RBFOX1: variants seen among roughly 807,000 people sequenced by gnomAD.
RBFOX1 encodes the protein RNA binding fox-1 homolog 1.
A neutral mutation model predicts 57.7 loss-of-function variants in RBFOX1; 8 were observed. The observed-to-expected ratio is 0.14, with a 90% CI of 0.08 to 0.25. RBFOX1 has a LOEUF of 0.25. Among genes scored for constraint, RBFOX1 ranks in the 10% least tolerant of loss-of-function variants. RBFOX1 has a pLI of 1.00. For synonymous variants in RBFOX1, 326 were observed against 222.4 expected, an observed-to-expected ratio of 1.47 and a Z score of -4.15; for missense variants, 611 against 548.5, an observed-to-expected ratio of 1.11 and a Z score of -1.14.
intron 3 of RBFOX1, among the ~76,000 whole-genome samples, chr16:7,007,408 G>C (rs986956900): frequency 5.9e-5 from 9 of 152,148 alleles, no homozygotes; most frequent in South Asian, 2.1e-4. Context: ...GATTAGATGG[G>C]ATTTTCCCCA....
intron 2 of RBFOX1, among the ~76,000 whole-genome samples, chr16:5,475,791 C>G (rs2069300773): frequency 6.6e-6 from 1 of 152,122 alleles, no homozygotes; most frequent in African/African-American, 2.4e-5. Flanking sequence ...GGACCTGGCT[C>G]TAGTTTTTTA....
At chr16:6,673,883 C>T (rs763300209) in intron 3 of RBFOX1, among the ~76,000 whole-genome samples, 1 of 152,162 alleles carries the variant, frequency 6.6e-6, no homozygotes, top group Non-Finnish European at 1.5e-5. Context: ...GAAGCAAACA[C>T]TTGTTGGAGG....
intron 3 of RBFOX1, among the ~76,000 whole-genome samples, chr16:6,706,461 C>A (rs555920216): frequency 5.1e-4 from 77 of 152,300 alleles, no homozygotes; most frequent in Non-Finnish European, 9.1e-4. Flanking sequence ...GGATGGGGGG[C>A]CCCTGTAGGA....
At position 6,903,202 on chromosome 16, in the gene RBFOX1, G is replaced by A. The variant is rs570568722; in HGVS notation, c.-15-148855G>A. Among the ~76,000 whole-genome samples, 31 of 152,244 alleles carry A rather than the reference G, an allele frequency of 2.0e-4. No individual in the cohort carries two copies. The South Asian group carries it at 6.2e-3, about 31-fold the overall frequency. On this transcript the variant is annotated intron_variant, in intron 3 of 15. Transcript: ENST00000550418. ...AGGACAGCCATATACAAAGATCTGG[G>A]GGCTAGAGAGCTCATGCAGCATTGC...
intron 4 of RBFOX1, among the ~76,000 whole-genome samples, chr16:5,926,619 A>G (rs970532841): frequency 6.6e-6 from 1 of 152,062 alleles, no homozygotes; most frequent in African/African-American, 2.4e-5. Context: ...CTAAATCTCA[A>G]TCTCTTCATT....
At chr16:5,501,666 A>T (rs1421357775) in intron 2 of RBFOX1, among the ~76,000 whole-genome samples, 1 of 152,170 alleles carries the variant, frequency 6.6e-6, no homozygotes, top group Non-Finnish European at 1.5e-5. Flanking sequence ...AAATCTCCAA[A>T]CACAGTTCAT....
intron 3 of RBFOX1, among the ~76,000 whole-genome samples, chr16:6,740,313 T>A (rs1387694072): frequency 6.6e-6 from 1 of 152,216 alleles, no homozygotes; most frequent in African/African-American, 2.4e-5. Context: ...TTGTGTATAA[T>A]GGTACAAATG....
At chr16:6,861,447 A>T (rs1006447286) in intron 3 of RBFOX1, among the ~76,000 whole-genome samples, 2 of 151,124 alleles carry the variant, frequency 1.3e-5, no homozygotes, top group African/African-American at 4.9e-5. Flanking sequence ...GCAAGGCCTG[A>T]CTCTCTTTTC....
At chr16:5,567,262 C>T (rs8053403) in intron 2 of RBFOX1, among the ~76,000 whole-genome samples, 2,107 of 152,260 alleles carry the variant, frequency 0.014, 62 homozygotes, top group African/African-American at 0.048. Flanking sequence ...CATGTGGACA[C>T]GTGCAGCTCA....
At chr16:5,982,922 G>A (rs1281161913) in intron 4 of RBFOX1, among the ~76,000 whole-genome samples, 5 of 152,150 alleles carry the variant, frequency 3.3e-5, no homozygotes, top group African/African-American at 1.2e-4. Flanking sequence ...TGAATGAATG[G>A]GTGAGTACAT....
intron 4 of RBFOX1, among the ~76,000 whole-genome samples, chr16:7,124,765 T>C (rs1181825551): frequency 6.6e-6 from 1 of 152,034 alleles, no homozygotes; most frequent in African/African-American, 2.4e-5. Context: ...GATTTTTCAA[T>C]GAGGAATGCT....
chr16:5,445,042 G>A (rs748838806), intron 1 of RBFOX1, among the ~76,000 whole-genome samples: 13 of 152,210 alleles, frequency 8.5e-5, no homozygotes, highest in Non-Finnish European at 1.3e-4. Flanking sequence ...TTAACAGGAG[G>A]GTGACATGAT....
At chr16:6,626,032 T>C (rs1199499425) in intron 2 of RBFOX1, among the ~76,000 whole-genome samples, 2 of 152,186 alleles carry the variant, frequency 1.3e-5, no homozygotes, top group African/African-American at 4.8e-5. Context: ...AAGAAACAGC[T>C]TCACCTAATT....
At chr16:7,263,779 C>A (rs554727815) in intron 4 of RBFOX1, among the ~76,000 whole-genome samples, 159 of 152,018 alleles carry the variant, frequency 1.0e-3, no homozygotes, top group Admixed American at 2.2e-3. Flanking sequence ...GCCTGTAATC[C>A]CAGCTGCTCA....
chr16:6,186,908 C>T (rs376879934), intron 1 of RBFOX1, among the ~76,000 whole-genome samples: 19 of 152,274 alleles, frequency 1.2e-4, no homozygotes, highest in African/African-American at 1.7e-4. Flanking sequence ...ATCTAATCTT[C>T]GCTCAATACT....
intron 2 of RBFOX1, among the ~76,000 whole-genome samples, chr16:6,391,174 C>T (rs186547786): frequency 1.3e-5 from 2 of 152,094 alleles, no homozygotes; most frequent in Non-Finnish European, 2.9e-5. Flanking sequence ...TGAGTTTATT[C>T]TAGGATCCAT....
chr16:6,834,152 C>T (rs932789104), intron 3 of RBFOX1, among the ~76,000 whole-genome samples: 1 of 152,058 alleles, frequency 6.6e-6, no homozygotes, highest in Non-Finnish European at 1.5e-5. Context: ...CGGCTCACCA[C>T]AACCTCCGCC....
chr16:5,738,577 T>C (rs2151583694), intron 3 of RBFOX1, among the ~76,000 whole-genome samples: 1 of 140,758 alleles, frequency 7.1e-6, no homozygotes, highest in East Asian at 2.2e-4. Context: ...AAGGTTGCCA[T>C]GTGCCGAGAT....
chr16:6,066,260 A>G (rs1158153973), intron 1 of RBFOX1, among the ~76,000 whole-genome samples: 3 of 127,284 alleles, frequency 2.4e-5, no homozygotes, highest in African/African-American at 9.2e-5. Flanking sequence ...GTGCCACTGC[A>G]CTCCAGCCTG....
Sources: gnomAD v4.1 joint callset for allele counts (sites outside exome capture counted in the v4.1 genomes callset) on GRCh38, gnomAD v4.1.1 for gene constraint, MANE v1.5 for transcripts, NCBI Gene and HGNC (gene_info 2026-07-23, HGNC 2026-07-21) for gene names.